Variants in MYLK3 observed in about 807,000 individuals in gnomAD.
MYLK3 encodes the protein myosin light chain kinase 3.
MYLK3 carries 55 observed loss-of-function variants against 76.3 expected under a neutral mutation model. The observed-to-expected ratio is 0.72, with a 90% CI of 0.58 to 0.90. The LOEUF (loss-of-function observed/expected upper bound fraction) is 0.90. Ranked by LOEUF, MYLK3 falls within the 40% of genes least tolerant of loss-of-function variation. The pLI, the probability that MYLK3 is intolerant of heterozygous loss-of-function variation, is 0.00. For synonymous variants in MYLK3, 416 were observed against 425.4 expected (o/e 0.98, Z 0.27); for missense variants, 973 against 1,053.6 (o/e 0.92, Z 1.06).
chr16:46,749,150 G>T (rs1596775391), upstream of MYLK3, among the ~76,000 whole-genome samples: 3 of 152,368 alleles, frequency 2.0e-5, no homozygotes, highest in Admixed American at 6.5e-5. Context: ...ACGTTTTACA[G>T]AAGTATCAGT....
At chr16:46,743,862 G>A (rs1317983372) in intron 1 of MYLK3, among the ~76,000 whole-genome samples, 1 of 152,132 alleles carries the variant, frequency 6.6e-6, no homozygotes, top group African/African-American at 2.4e-5. Context: ...CAGTCCTCTA[G>A]TAAAATAAAT....
At chr16:46,752,551 G>A (rs1967139918), upstream of MYLK3, among the ~76,000 whole-genome samples, 1 of 151,922 alleles carries the variant, frequency 6.6e-6, no homozygotes, top group Admixed American at 6.6e-5. Context: ...AAACTTTTTT[G>A]TAGAGATGGG....
intron 3 of MYLK3, among the ~76,000 whole-genome samples, chr16:46,733,150 C>T (rs537553175): frequency 6.6e-6 from 1 of 152,228 alleles, no homozygotes; most frequent in East Asian, 1.9e-4. Flanking sequence ...TCCCTTGAGG[C>T]CAGGAGTTTG....
intron 8 of MYLK3, among the ~76,000 whole-genome samples, chr16:46,722,645 G>A (rs1289124972): frequency 1.4e-5 from 2 of 139,428 alleles, no homozygotes; most frequent in South Asian, 2.3e-4. Flanking sequence ...AGAAACAGGT[G>A]AACTTAAATT....
chr16:46,734,179 A>G (rs1239601715), intron 3 of MYLK3, among the ~76,000 whole-genome samples: 3 of 152,182 alleles, frequency 2.0e-5, no homozygotes, highest in Non-Finnish European at 4.4e-5. Flanking sequence ...GATGGATAAT[A>G]CATAGACAGA....
At chr16:46,728,755 A>C (rs1462234459) in intron 7 of MYLK3, among the ~76,000 whole-genome samples, 4 of 152,176 alleles carry the variant, frequency 2.6e-5, no homozygotes, top group African/African-American at 9.7e-5. Flanking sequence ...ATTTTCAAAA[A>C]ATCACTGAAA....
intron 8 of MYLK3, among the ~76,000 whole-genome samples, chr16:46,724,136 T>C (rs1227758551): frequency 6.6e-6 from 1 of 152,210 alleles, no homozygotes; most frequent in Non-Finnish European, 1.5e-5. Flanking sequence ...CCTTTGACCA[T>C]TTTTAAATTG....
At chr16:46,749,610 G>C (rs547210223), upstream of MYLK3, among the ~76,000 whole-genome samples, 3 of 152,188 alleles carry the variant, frequency 2.0e-5, no homozygotes, top group African/African-American at 7.2e-5. Context: ...TAAGCCAGGC[G>C]TGGTGGCACG....
rs1257524157 is a variant in MYLK3, at chr16:46,703,039, C to T, written c.*4665G>A. On this transcript the variant is annotated 3_prime_UTR_variant, in exon 13 of 13. Coordinates refer to ENST00000394809, the MANE Select transcript of MYLK3 (RefSeq NM_182493.3). Reference sequence around the variant, plus strand: ...CCCCCTCTCCCAATCACCCACTTTTCACACTCCACTGTTAAGTTTCTTGCA... The same window carrying T: ...CCCCCTCTCCCAATCACCCACTTTTTACACTCCACTGTTAAGTTTCTTGCA... Among the ~76,000 whole-genome samples, 1 of 150,936 alleles carries T rather than the reference C, an allele frequency of 6.6e-6. No individual in the cohort carries two copies. The highest frequency in any genetic ancestry group is 2.4e-5 in the African/African-American group (1 of 41,138).
chr16:46,762,889 C>T (rs1967298054), intron 1 of MYLK3: 1 of 419,556 alleles, frequency 2.4e-6, no homozygotes, highest in Non-Finnish European at 3.2e-6. Flanking sequence ...CCAAAGCAAA[C>T]CCATGCACTT....
At position 46,737,779 on chromosome 16, in the gene MYLK3, C is replaced by A; in HGVS notation, c.933G>T (p.Gln311His). 6.2e-7 allele frequency: 1 copy of A among 1,611,850 alleles called. No individual in the cohort carries two copies. The highest frequency in any genetic ancestry group is 8.5e-7 in the Non-Finnish European group (1 of 1,179,864). ...CTGGCAGCCCTGGAGGCCCTGGGCA[C>A]TGAGGGCCAGGCCCTGGAGTCAGCC... ...GTRLTPGPGP[Q>H]CPGPPGLPAQ... Residue 311 changes from glutamine (Q) to histidine (H), a missense_variant, in exon 3 of 13, where the codon CAG becomes CAT. Physicochemically the swap from Gln to His is conservative, Grantham distance 24 (BLOSUM62 0). Around this residue, in one of 2 missense-constraint regions of MYLK3, gnomAD observed 641 missense variants for 637.0 expected, o/e 1.01. Transcript: ENST00000394809.
chr16:46,729,765 C>G, intron 5 of MYLK3, 78 bp from the exon 6 acceptor site: 2 of 1,257,996 alleles, frequency 1.6e-6, no homozygotes, highest in Non-Finnish European at 2.3e-6. Flanking sequence ...CTGGGTCCAA[C>G]TCATCCACAC....
chr16:46,751,692 A>G (rs1967127850), upstream of MYLK3, among the ~76,000 whole-genome samples: 1 of 152,238 alleles, frequency 6.6e-6, no homozygotes, highest in African/African-American at 2.4e-5. Context: ...AGCACAGGGC[A>G]GGAAACCCTG....
intron 4 of MYLK3, 57 bp from the exon 5 acceptor site, chr16:46,730,755 G>T: frequency 6.6e-7 from 1 of 1,513,926 alleles, no homozygotes; most frequent in South Asian, 1.1e-5. Flanking sequence ...ACACCTCTCG[G>T]TCACCTGTGC....
chr16:46,734,507 G>T (rs1346664032), intron 3 of MYLK3, among the ~76,000 whole-genome samples: 2 of 152,128 alleles, frequency 1.3e-5, no homozygotes, highest in Non-Finnish European at 2.9e-5. Flanking sequence ...CCAGCTACTT[G>T]GGAGGCTGAG....
At chr16:46,743,980 G>A (rs1377382128) in intron 1 of MYLK3, among the ~76,000 whole-genome samples, 2 of 152,148 alleles carry the variant, frequency 1.3e-5, no homozygotes, top group Non-Finnish European at 2.9e-5. Context: ...TTAGCTTTAA[G>A]AGACATATAA....
intron 1 of MYLK3, among the ~76,000 whole-genome samples, chr16:46,761,107 G>A (rs1967270834): frequency 6.6e-6 from 1 of 152,162 alleles, no homozygotes; most frequent in South Asian, 2.1e-4. Context: ...AATGGGACTT[G>A]AGCTGAGCCT....
intron 1 of MYLK3, among the ~76,000 whole-genome samples, chr16:46,742,700 A>T (rs1966953311): frequency 6.6e-6 from 1 of 152,124 alleles, no homozygotes; most frequent in African/African-American, 2.4e-5. Context: ...TGACCTCTGA[A>T]CAGTAAGGAC....
chr16:46,728,769 G>T (rs1040636413), intron 7 of MYLK3, among the ~76,000 whole-genome samples: 2 of 152,232 alleles, frequency 1.3e-5, no homozygotes, highest in Non-Finnish European at 1.5e-5. Flanking sequence ...ACTGAAAGTA[G>T]TATAGGTCAA....
Sources: gnomAD v4.1 joint callset for allele counts (sites outside exome capture counted in the v4.1 genomes callset) on GRCh38, gnomAD v4.1.1 for gene constraint, gnomAD v4.1.1 regional missense constraint, MANE v1.5 for transcripts, NCBI Gene and HGNC (gene_info 2026-07-23, HGNC 2026-07-21) for gene names.